Variants in HELZ observed in about 807,000 individuals in gnomAD.
HELZ encodes helicase with zinc finger.
In HELZ, 23 loss-of-function variants were observed where a neutral mutation model predicts 218.2. That is an observed-to-expected ratio of 0.11 (90% CI 0.08 to 0.15). The LOEUF is 0.15. Among genes scored for constraint, HELZ ranks in the 10% least tolerant of loss-of-function variants. HELZ has a pLI of 1.00. For synonymous variants in HELZ, 814 were observed against 829.4 expected (o/e 0.98, Z 0.32); for missense variants, 1,813 against 2,353.7 (o/e 0.77, Z 4.75).
At chr17:67,189,349 C>CAAAT (rs59465353) in intron 11 of HELZ, among the ~76,000 whole-genome samples, 5,834 of 152,016 alleles carry the variant, frequency 0.038, 379 homozygotes, top group African/African-American at 0.13. Flanking sequence ...ATCTCTTTAC[C>CAAAT]AAATAAATAA....
intron 27 of HELZ, among the ~76,000 whole-genome samples, chr17:67,116,773 C>A (rs1431333731): frequency 1.3e-5 from 2 of 152,192 alleles, no homozygotes; most frequent in African/African-American, 4.8e-5. Context: ...CAATACCCCT[C>A]CTCAGTAATT....
intron 12 of HELZ, among the ~76,000 whole-genome samples, chr17:67,184,820 CAAAT>C (rs3048665): frequency 0.086 from 12,924 of 149,990 alleles, 1,441 homozygotes; most frequent in African/African-American, 0.26. Context: ...TGTCTCTAAA[CAAAT>C]AAATAAATAA....
intron 31 of HELZ, among the ~76,000 whole-genome samples, chr17:67,092,692 G>A (rs888515261): frequency 2.6e-5 from 4 of 152,238 alleles, no homozygotes; most frequent in South Asian, 2.1e-4. Context: ...GCGGCCAGGC[G>A]CAGTGGTTCA....
chr17:67,234,058 A>AAG (rs1234304310), intron 3 of HELZ, among the ~76,000 whole-genome samples: 2 of 150,902 alleles, frequency 1.3e-5, no homozygotes, highest in Non-Finnish European at 3.0e-5. Context: ...AAAAAAAAAA[A>AAG]AAGAGAGAGA....
chr17:67,152,784 AAC>A (rs1190252396), intron 17 of HELZ, among the ~76,000 whole-genome samples: 1 of 151,064 alleles, frequency 6.6e-6, no homozygotes, highest in Non-Finnish European at 1.5e-5. Flanking sequence ...AAAAAAAAAA[AAC>A]AACTAGTGGA....
chr17:67,201,307 C>T (rs1018938420), intron 6 of HELZ, 122 bp from the exon 7 acceptor site: 90 of 623,684 alleles, frequency 1.4e-4, no homozygotes, highest in Non-Finnish European at 2.6e-4. Flanking sequence ...ATCCTCATCC[C>T]TCATCACTAC....
intron 13 of HELZ, among the ~76,000 whole-genome samples, chr17:67,171,919 C>T (rs2039323350): frequency 6.6e-6 from 1 of 151,974 alleles, no homozygotes; most frequent in African/African-American, 2.4e-5. Flanking sequence ...GCTACCTCCA[C>T]CTCCCGGGTT....
At chr17:67,240,476 G>A (rs187392597) in intron 2 of HELZ, among the ~76,000 whole-genome samples, 45 of 152,242 alleles carry the variant, frequency 3.0e-4, no homozygotes, top group Non-Finnish European at 4.4e-4. Flanking sequence ...TTGCATAAAA[G>A]TAAATAATTT....
chr17:67,115,610 C>CA (rs1301335434), intron 27 of HELZ, among the ~76,000 whole-genome samples: 11 of 152,006 alleles, frequency 7.2e-5, no homozygotes, highest in Non-Finnish European at 1.6e-4. Flanking sequence ...AGGATGGCAT[C>CA]AGATTTCTCA....
At position 67,073,167 on chromosome 17, in the gene HELZ, A is replaced by G. The variant is rs953492353; in HGVS notation, c.*5085T>C. 6.6e-6 allele frequency: 1 copy of G among 152,444 alleles called. No homozygotes were observed. The highest frequency in any genetic ancestry group is 1.5e-5 in the Non-Finnish European group (1 of 68,034). 9.4% of individuals were successfully genotyped at this position (152,444 alleles called of 1,614,324 possible). On this transcript the variant is annotated 3_prime_UTR_variant, in exon 33 of 33. Transcript: ENST00000358691. ...CTTTCCCCTTTACTTCTCAAACATT[A>G]AAAAAGTATTAATGAAAACACTTCA...
chr17:67,112,584 T>G (rs545692561), intron 28 of HELZ, among the ~76,000 whole-genome samples: 1 of 152,192 alleles, frequency 6.6e-6, no homozygotes, highest in Non-Finnish European at 1.5e-5. Flanking sequence ...CTTCCATATA[T>G]AGAAGCTGTG....
At chr17:67,085,563 T>A (rs2036343969) in intron 32 of HELZ, among the ~76,000 whole-genome samples, 1 of 151,784 alleles carries the variant, frequency 6.6e-6, no homozygotes. Flanking sequence ...TGTTTTTTTT[T>A]AATTTTTTTT....
intron 25 of HELZ, 148 bp downstream of exon 25, chr17:67,123,815 C>CTGTGTGTGTG (rs58616216): frequency 0.045 from 24,019 of 533,516 alleles, 456 homozygotes; most frequent in African/African-American, 0.095. Context: ...TCCAAAGTGA[C>CTGTGTGTGTG]TGTGTGTGTG....
At chr17:67,209,675 C>A (rs2040402822) in intron 5 of HELZ, among the ~76,000 whole-genome samples, 2 of 152,176 alleles carry the variant, frequency 1.3e-5, no homozygotes, top group Admixed American at 1.3e-4. Context: ...CATGCCCTTT[C>A]AGATCAGAAA....
Position 67,078,414 on chromosome 17 carries a change from C to T in HELZ, c.5667G>A (p.Gly1889=), listed in dbSNP as rs751718696. 1 of 1,598,908 alleles carries T rather than the reference C, an allele frequency of 6.3e-7. No individual in the cohort carries two copies. The highest frequency in any genetic ancestry group is 2.2e-5 in the East Asian group (1 of 44,708). ...ANSSSPQSSA[G]GKPAMSYASA... ...TGGCATAGGACATGGCGGGCTTGCC[C>T]CCCGCAGAGCTCTGGGGGCTACTGC... Residue 1889 remains glycine (G), a synonymous_variant, in exon 33 of 33, where the codon GGG becomes GGA. Coordinates refer to ENST00000358691, the MANE Select transcript of HELZ (RefSeq NM_014877.4).
intron 7 of HELZ, among the ~76,000 whole-genome samples, chr17:67,198,764 T>A (rs943273812): frequency 2.0e-5 from 3 of 152,246 alleles, no homozygotes; most frequent in African/African-American, 7.2e-5. Context: ...TTGCCATTTT[T>A]AAATGTGTCA....
chr17:67,242,223 C>T (rs1246587653), intron 2 of HELZ, among the ~76,000 whole-genome samples: 1 of 152,172 alleles, frequency 6.6e-6, no homozygotes, highest in Non-Finnish European at 1.5e-5. Flanking sequence ...CGAGACCAGC[C>T]TGACCAACAT....
chr17:67,144,809 G>C (rs1243768322), intron 21 of HELZ, among the ~76,000 whole-genome samples: 1 of 152,104 alleles, frequency 6.6e-6, no homozygotes, highest in Admixed American at 6.5e-5. Context: ...CGATAAAGGA[G>C]ACCCCTAAAG....
chr17:67,201,633 TA>T (rs1342405147), intron 6 of HELZ, among the ~76,000 whole-genome samples: 2 of 152,164 alleles, frequency 1.3e-5, no homozygotes, highest in African/African-American at 2.4e-5. Context: ...AATGGCTCTT[TA>T]ATAAAAGGAA....
Sources: gnomAD v4.1 joint callset for allele counts (sites outside exome capture counted in the v4.1 genomes callset) on GRCh38, gnomAD v4.1.1 for gene constraint, MANE v1.5 for transcripts, NCBI Gene and HGNC (gene_info 2026-07-23, HGNC 2026-07-21) for gene names.